The following TRPC6 variants were observed in gnomAD, a reference collection of about 807,000 sequenced individuals.
TRPC6 encodes transient receptor potential cation channel subfamily C member 6.
A neutral mutation model predicts 90.7 loss-of-function variants in TRPC6; 55 were observed. The observed-to-expected ratio is 0.61, with a 90% CI of 0.49 to 0.76. The LOEUF is 0.76. Ranked by LOEUF, TRPC6 falls within the 30% of genes least tolerant of loss-of-function variation. The pLI, the probability that TRPC6 is intolerant of heterozygous loss-of-function variation, is 0.00. For synonymous variants in TRPC6, 393 were observed against 393.0 expected (o/e 1.00, Z 0.00); for missense variants, 989 against 1,122.7 (o/e 0.88, Z 1.70).
chr11:101,515,116 C>T (rs1860487985), intron 1 of TRPC6, among the ~76,000 whole-genome samples: 1 of 152,208 alleles, frequency 6.6e-6, no homozygotes, highest in South Asian at 2.1e-4. Context: ...AATGCCTCAT[C>T]TGTCATGGAC....
At chr11:101,468,418 G>A (rs1859202587) in intron 10 of TRPC6, among the ~76,000 whole-genome samples, 1 of 152,172 alleles carries the variant, frequency 6.6e-6, no homozygotes, top group Non-Finnish European at 1.5e-5. Flanking sequence ...GTTGTTGGGG[G>A]AGGTAACATA....
At chr11:101,512,793 T>A (rs1860425255) in intron 1 of TRPC6, among the ~76,000 whole-genome samples, 1 of 152,136 alleles carries the variant, frequency 6.6e-6, no homozygotes, top group South Asian at 2.1e-4. Context: ...GCAAACTATA[T>A]CCAAATTATC....
At chr11:101,501,189 G>T (rs1237901655) in intron 2 of TRPC6, among the ~76,000 whole-genome samples, 9 of 151,550 alleles carry the variant, frequency 5.9e-5, no homozygotes, top group Non-Finnish European at 1.2e-4. Flanking sequence ...CTGTGAGGCT[G>T]ACCAGGCCTA....
At chr11:101,511,540 G>T (rs1261138276) in intron 1 of TRPC6, among the ~76,000 whole-genome samples, 1 of 152,034 alleles carries the variant, frequency 6.6e-6, no homozygotes, top group Admixed American at 6.6e-5. Flanking sequence ...AAATATAAAG[G>T]TTGAGCCACA....
At chr11:101,496,572 A>G (rs1359272140) in intron 2 of TRPC6, among the ~76,000 whole-genome samples, 1 of 152,210 alleles carries the variant, frequency 6.6e-6, no homozygotes, top group Non-Finnish European at 1.5e-5. Context: ...GCCTTTTTCT[A>G]TTGATTGTTG....
rs1181189882 is a variant in TRPC6, at chr11:101,491,592, G to T, written c.1092C>A (p.Ser364Arg). ...CATATTTAATGGCAAGTTTTAAACG[G>T]CTGAGATTTGGGCGACCGTGATCAC... ...QSGDHGRPNL[S>R]RLKLAIKYEV... is the part of the protein sequence containing the mutation. The change falls in exon 3 of 13, where the codon AGC becomes AGA. Residue 364 changes from serine to arginine, a missense_variant. Transcript: ENST00000344327. 1 of 1,613,916 alleles carries T rather than the reference G, an allele frequency of 6.2e-7. No individual in the cohort carries two copies. Among genetic ancestry groups the T allele is most frequent in the South Asian group, 1.1e-5 (1 of 91,070 alleles).
At chr11:101,477,210 C>G (rs987864458) in intron 5 of TRPC6, among the ~76,000 whole-genome samples, 7 of 151,048 alleles carry the variant, frequency 4.6e-5, no homozygotes. Context: ...ACCCAACCTT[C>G]CTGCCTGCTC....
chr11:101,473,175 A>C (rs556934583), intron 7 of TRPC6, among the ~76,000 whole-genome samples: 2 of 152,288 alleles, frequency 1.3e-5, no homozygotes, highest in East Asian at 3.9e-4. Flanking sequence ...AGCAAGGGTT[A>C]CAGCCTGGCT....
At chr11:101,529,403 A>G (rs1860857352) in intron 1 of TRPC6, among the ~76,000 whole-genome samples, 1 of 152,250 alleles carries the variant, frequency 6.6e-6, no homozygotes, top group Non-Finnish European at 1.5e-5. Context: ...TGCTTCATAA[A>G]AAGAATTAAA....
chr11:101,527,545 T>C (rs1860806661), intron 1 of TRPC6, among the ~76,000 whole-genome samples: 1 of 152,158 alleles, frequency 6.6e-6, no homozygotes, highest in Non-Finnish European at 1.5e-5. Flanking sequence ...ATTTGTGAAG[T>C]GTGTGTGGTT....
At chr11:101,504,002 G>C in intron 2 of TRPC6, 22 bp downstream of exon 2, 2 of 1,613,912 alleles carry the variant, frequency 1.2e-6, no homozygotes, top group Non-Finnish European at 1.7e-6. Flanking sequence ...GGAGGGTGAA[G>C]TCTCTATTGT....
chr11:101,500,354 G>A lies in TRPC6; in HGVS notation c.945+3670C>T, dbSNP rs374368598. On this transcript the variant is annotated intron_variant, in intron 2 of 12. Transcript: ENST00000344327. The stretch of plus-strand genomic sequence containing the variant: ...CTCCTGCGTAGCTGGGATTACAGGT[G>A]TGTGCCATCATGCCCAGCTAATTTT... Among the ~76,000 whole-genome samples, 19 of 151,920 alleles carry A rather than the reference G, an allele frequency of 1.3e-4. No individual in the cohort carries two copies. The South Asian group carries it at 3.9e-3, about 32-fold the overall frequency.
intron 2 of TRPC6, among the ~76,000 whole-genome samples, chr11:101,502,065 A>G (rs1177356385): frequency 6.6e-6 from 1 of 152,178 alleles, no homozygotes; most frequent in African/African-American, 2.4e-5. Context: ...ATAGGGAAGC[A>G]CAAATGGGCG....
chr11:101,564,892 C>T (rs1437458731), intron 1 of TRPC6, among the ~76,000 whole-genome samples: 2 of 151,916 alleles, frequency 1.3e-5, no homozygotes, highest in African/African-American at 4.8e-5. Context: ...TAGAATAGAA[C>T]AGAGAGCCCA....
At chr11:101,471,098 T>C in intron 9 of TRPC6, 85 bp downstream of exon 9, 1 of 1,335,042 alleles carries the variant, frequency 7.5e-7, no homozygotes, top group Non-Finnish European at 1.1e-6. Context: ...CATCAGGAAC[T>C]GCTTCTCTTT....
intron 1 of TRPC6, among the ~76,000 whole-genome samples, chr11:101,532,217 T>C (rs1024347967): frequency 1.3e-5 from 2 of 152,194 alleles, no homozygotes; most frequent in East Asian, 1.9e-4. Context: ...CCTAAAATTA[T>C]ATAAGTGCAA....
chr11:101,464,114 T>C (rs1859079065), intron 10 of TRPC6, among the ~76,000 whole-genome samples: 1 of 152,206 alleles, frequency 6.6e-6, no homozygotes, highest in Non-Finnish European at 1.5e-5. Flanking sequence ...AGTTGTGCGG[T>C]TTTGAGTTAA....
chr11:101,581,368 A>C (rs1012468741), intron 1 of TRPC6, among the ~76,000 whole-genome samples: 3 of 152,246 alleles, frequency 2.0e-5, no homozygotes, highest in Non-Finnish European at 4.4e-5. Flanking sequence ...AAGCACTGGG[A>C]AGAGTTTTCA....
Position 101,583,850 on chromosome 11 carries a change from C to G in TRPC6, c.-347G>C, listed in dbSNP as rs1862261460. 1 of 255,520 alleles carries G rather than the reference C, an allele frequency of 3.9e-6. No individual in the cohort carries two copies. The highest frequency in any genetic ancestry group is 7.4e-6 in the Non-Finnish European group (1 of 135,222). The allele number at this position is 255,520 out of a possible 1,614,324, so 15.8% of individuals were successfully genotyped here. A position where few individuals can be genotyped will look rare whatever the true frequency, so the allele number is the denominator to read the frequency against. On this transcript the variant is annotated 5_prime_UTR_variant, in exon 1 of 13. Coordinates refer to ENST00000344327, the MANE Select transcript of TRPC6 (RefSeq NM_004621.6). Reference sequence around the variant, plus strand: ...AGAGCGGAGAGCAAGGGAGACGGAGCTGAAGAGTTACTATGTCAACAGAGA... The same window carrying G: ...AGAGCGGAGAGCAAGGGAGACGGAGGTGAAGAGTTACTATGTCAACAGAGA...
Sources: gnomAD v4.1 joint callset for allele counts (sites outside exome capture counted in the v4.1 genomes callset) on GRCh38, gnomAD v4.1.1 for gene constraint, MANE v1.5 for transcripts, NCBI Gene and HGNC (gene_info 2026-07-23, HGNC 2026-07-21) for gene names.